ITPR2: variants seen among roughly 807,000 people sequenced by gnomAD.
ITPR2 encodes inositol 1,4,5-trisphosphate-gated calcium channel ITPR2.
In ITPR2, 207 loss-of-function variants were observed where a neutral mutation model predicts 317.1. That is an observed-to-expected ratio of 0.65 (90% confidence interval 0.58 to 0.73). The LOEUF (loss-of-function observed/expected upper bound fraction) is 0.73, where lower values mean the gene tolerates loss of function less well. Ranked by LOEUF, ITPR2 falls within the 30% of genes least tolerant of loss-of-function variation. ITPR2 has a pLI of 0.00. For synonymous variants in ITPR2, 1,156 were observed against 1,149.1 expected, an observed-to-expected ratio of 1.01 and a Z score of -0.12; for missense variants, 2,613 against 3,284.0, an observed-to-expected ratio of 0.80 and a Z score of 4.99.
chr12:26,692,136 T>C (rs1948253174), intron 10 of ITPR2, among the ~76,000 whole-genome samples: 1 of 152,150 alleles, frequency 6.6e-6, no homozygotes, highest in South Asian at 2.1e-4. Flanking sequence ...CCAAATTCTA[T>C]GGACACAGGA....
intron 10 of ITPR2, among the ~76,000 whole-genome samples, chr12:26,693,294 C>T (rs1402907414): frequency 6.6e-6 from 1 of 151,884 alleles, no homozygotes; most frequent in African/African-American, 2.4e-5. Flanking sequence ...GTTGTTTTTT[C>T]GAATAAAAAG....
At chr12:26,583,993 T>TAGAC (rs1384551212) in intron 32 of ITPR2, among the ~76,000 whole-genome samples, 2 of 152,332 alleles carry the variant, frequency 1.3e-5, no homozygotes, top group Non-Finnish European at 2.9e-5. Context: ...AAATTGAAGC[T>TAGAC]ACATATTAGA....
chr12:26,339,370 G>A lies in ITPR2; in HGVS notation c.*27C>T. On this transcript the variant is annotated 3_prime_UTR_variant, in exon 57 of 57. Transcript: ENST00000381340. ...GTGATCAGGCAGGACACTGATGAAA[G>A]GCTAGTCACGGCTTCCCCCCATGGT... 2 of 1,576,924 alleles carry A rather than the reference G, an allele frequency of 1.3e-6. No individual in the cohort carries two copies. The highest frequency in any genetic ancestry group is 1.1e-5 in the South Asian group (1 of 90,078).
At chr12:26,543,246 T>C (rs1565592543) in intron 37 of ITPR2, among the ~76,000 whole-genome samples, 1 of 152,098 alleles carries the variant, frequency 6.6e-6, no homozygotes, top group Non-Finnish European at 1.5e-5. Flanking sequence ...CATTAGCAAC[T>C]CACCACTACA....
rs370751866 is a variant in ITPR2 at position 26,656,429 on chromosome 12, G to A, written c.2312C>T (p.Pro771Leu). The change falls in exon 19 of 57, where the codon CCG becomes CTG. Residue 771 changes from proline (P) to leucine (L), a missense_variant. Pro to Leu is a moderately conservative substitution (Grantham distance 98). Coordinates refer to ENST00000381340, the MANE Select transcript of ITPR2 (RefSeq NM_002223.4). ...ILRCVSDESL[P>L]FDLRASFCRL... is the part of the protein sequence containing the mutation. The stretch of plus-strand genomic sequence containing the variant: ...ACAGAAGGACGCTCGGAGGTCGAAC[G>A]GCAGGCTCTCATCCGACACACACCG... 14 of 1,614,176 alleles carry A rather than the reference G, an allele frequency of 8.7e-6. No homozygotes were observed. The highest frequency in any genetic ancestry group is 5.3e-5 in the African/African-American group (4 of 75,044).
chr12:26,406,552 T>C (rs559206262), intron 52 of ITPR2: 1 of 151,096 alleles, frequency 6.6e-6, no homozygotes, highest in Non-Finnish European at 1.5e-5. Context: ...CTGGCCACTC[T>C]GCCTCCTAGT....
At chr12:26,448,948 T>A (rs527906922) in intron 45 of ITPR2, among the ~76,000 whole-genome samples, 195 of 152,278 alleles carry the variant, frequency 1.3e-3, no homozygotes, top group Non-Finnish European at 2.2e-3. Context: ...GATTAGGGAA[T>A]AAAGATGACA....
rs147382895 is a variant in ITPR2, at chr12:26,362,819, C to T, written c.7858-22491G>A. On this transcript the variant is annotated intron_variant, in intron 55 of 56. Coordinates refer to ENST00000381340, the MANE Select transcript of ITPR2 (RefSeq NM_002223.4). ...CTTCACACTCCCTCATCACCTCTTC[C>T]TAGTGTAGCTGAAAGAAAGCATAAC... 7.3e-3 allele frequency among the ~76,000 whole-genome samples: 1,117 copies of T among 152,312 alleles called. 14 individuals are homozygous for T. The highest frequency in any genetic ancestry group is 0.027 in the Middle Eastern group (8 of 294).
At chr12:26,676,936 T>C (rs1217625355) in intron 13 of ITPR2, among the ~76,000 whole-genome samples, 1 of 152,092 alleles carries the variant, frequency 6.6e-6, no homozygotes, top group Non-Finnish European at 1.5e-5. Context: ...GAACTAAGGT[T>C]CTAAACAACT....
chr12:26,375,592 T>C (rs1241543031), intron 55 of ITPR2, among the ~76,000 whole-genome samples: 1 of 152,220 alleles, frequency 6.6e-6, no homozygotes, highest in Non-Finnish European at 1.5e-5. Context: ...CTTTTGACAT[T>C]ATTATCATCA....
chr12:26,494,238 A>G lies in ITPR2; in HGVS notation c.5285T>C (p.Ile1762Thr), dbSNP rs757528761. The change falls in exon 39 of 57, where the codon ATA becomes ACA. Residue 1762 changes from isoleucine to threonine, a missense_variant. Ile to Thr is a moderately conservative substitution (Grantham distance 89). Coordinates refer to ENST00000381340, the MANE Select transcript of ITPR2 (RefSeq NM_002223.4). ...EGASELVIDV[I>T]VNTKNDRIFS... ...AATTCTGTCATTTTTGGTGTTCACT[A>G]TAACATCGATGACAAGTTCTGATGC... 16 of 1,613,678 alleles carry G rather than the reference A, an allele frequency of 9.9e-6. No individual in the cohort carries two copies. In the East Asian group the frequency reaches 2.9e-4, roughly 29 times the overall value.
chr12:26,671,575 G>C (rs1330442468), intron 13 of ITPR2, among the ~76,000 whole-genome samples: 4 of 152,050 alleles, frequency 2.6e-5, no homozygotes, highest in Non-Finnish European at 4.4e-5. Flanking sequence ...GGAACAACTG[G>C]TACCAGCCGC....
At chr12:26,397,036 G>T (rs949911812) in intron 54 of ITPR2, among the ~76,000 whole-genome samples, 4 of 151,702 alleles carry the variant, frequency 2.6e-5, no homozygotes, top group Non-Finnish European at 4.4e-5. Flanking sequence ...TGATGACTCT[G>T]CTTCTGGTAC....
intron 31 of ITPR2, among the ~76,000 whole-genome samples, chr12:26,595,842 G>C (rs775247835): frequency 6.6e-6 from 1 of 152,158 alleles, no homozygotes; most frequent in Non-Finnish European, 1.5e-5. Context: ...TGCAAAACAA[G>C]CCTATCATAT....
At chr12:26,771,379 G>A (rs1949840298) in intron 2 of ITPR2, among the ~76,000 whole-genome samples, 1 of 152,122 alleles carries the variant, frequency 6.6e-6, no homozygotes, top group Non-Finnish European at 1.5e-5. Flanking sequence ...TGGAAGCCAC[G>A]TGCTGCGAAT....
At chr12:26,567,986 A>ATATAT (rs1945038157) in intron 34 of ITPR2, among the ~76,000 whole-genome samples, 1 of 16,100 alleles carries the variant, frequency 6.2e-5, no homozygotes, top group Non-Finnish European at 2.8e-4. Flanking sequence ...TATTATATAT[A>ATATAT]TATATATATA....
chr12:26,779,710 A>G (rs1950043171), intron 2 of ITPR2, among the ~76,000 whole-genome samples: 1 of 152,180 alleles, frequency 6.6e-6, no homozygotes, highest in Non-Finnish European at 1.5e-5. Context: ...CATGAAGGAG[A>G]GCAGTGAAGG....
chr12:26,427,826 TGA>T (rs1208208816), intron 49 of ITPR2, 85 bp downstream of exon 49: 3 of 837,008 alleles, frequency 3.6e-6, no homozygotes, highest in Non-Finnish European at 4.9e-6. Flanking sequence ...CATGCATACA[TGA>T]ATTAAAAGCT....
chr12:26,400,081 T>TAA, intron 53 of ITPR2, 47 bp downstream of exon 53: 1 of 1,557,444 alleles, frequency 6.4e-7, no homozygotes, highest in South Asian at 1.2e-5. Flanking sequence ...AAGAAAGGTT[T>TAA]AAAAAAAAGA....
Sources: gnomAD v4.1 joint callset for allele counts (sites outside exome capture counted in the v4.1 genomes callset) on GRCh38, gnomAD v4.1.1 for gene constraint, MANE v1.5 for transcripts, NCBI Gene and HGNC (gene_info 2026-07-23, HGNC 2026-07-21) for gene names.